KAZN: variants seen among roughly 807,000 people sequenced by gnomAD.
KAZN encodes kazrin.
KAZN carries 40 observed loss-of-function variants against 87.4 expected under a neutral mutation model. The observed-to-expected ratio is 0.46, with a 90% CI of 0.36 to 0.60. The LOEUF (loss-of-function observed/expected upper bound fraction) is 0.60. Ranked by LOEUF, KAZN falls within the 20% of genes least tolerant of loss-of-function variation. The probability of loss-of-function intolerance (pLI) is 0.00; values close to 1 mark genes in which losing one functional copy is unlikely to be tolerated. For missense variants in KAZN, 898 were observed against 1,073.9 expected (o/e 0.84, Z 2.29); for synonymous variants, 466 against 458.3 (o/e 1.02, Z -0.22).
chr1:14,200,688 A>T (rs1482168408), intron 2 of KAZN, among the ~76,000 whole-genome samples: 1 of 152,156 alleles, frequency 6.6e-6, no homozygotes, highest in Non-Finnish European at 1.5e-5. Flanking sequence ...TACATTTTGT[A>T]TGCATATATC....
intron 1 of KAZN, among the ~76,000 whole-genome samples, chr1:14,065,141 C>A (rs758591896): frequency 9.2e-5 from 14 of 152,138 alleles, no homozygotes; most frequent in Non-Finnish European, 1.9e-4. Flanking sequence ...CAACACAACA[C>A]CTTGGGTAGA....
chr1:14,428,050 T>C (rs1234624229), intron 2 of KAZN, among the ~76,000 whole-genome samples: 1 of 152,200 alleles, frequency 6.6e-6, no homozygotes, highest in Non-Finnish European at 1.5e-5. Context: ...GGCAAGGTTA[T>C]AGTCACATTC....
intron 2 of KAZN, among the ~76,000 whole-genome samples, chr1:14,285,453 C>A (rs540814207): frequency 2.0e-4 from 31 of 152,342 alleles, no homozygotes; most frequent in South Asian, 4.2e-4. Flanking sequence ...CTGGCCAAGA[C>A]TGAGGCTCAG....
At chr1:14,789,760 C>CAAAAAAAAAAAAAAAAAAAAAAAA (rs3032757) in intron 1 of KAZN, among the ~76,000 whole-genome samples, 1 of 46,234 alleles carries the variant, frequency 2.2e-5, no homozygotes, top group African/African-American at 8.3e-5. Flanking sequence ...TCCTCATTAC[C>CAAAAAAAAAAAAAAAAAAAAAAAA]AAAAAAAAAA....
intron 1 of KAZN, among the ~76,000 whole-genome samples, chr1:14,099,980 T>C (rs2101641239): frequency 6.6e-6 from 1 of 152,238 alleles, no homozygotes; most frequent in East Asian, 1.9e-4. Flanking sequence ...CTCTCTCTCC[T>C]GAATGAATAT....
chr1:14,713,016 A>G (rs935714009), intron 1 of KAZN, among the ~76,000 whole-genome samples: 2 of 151,898 alleles, frequency 1.3e-5, no homozygotes, highest in African/African-American at 4.8e-5. Flanking sequence ...ACAAGCCCTC[A>G]GTGGCATAGA....
At chr1:14,962,384 A>G (rs1663980805) in intron 2 of KAZN, among the ~76,000 whole-genome samples, 1 of 152,124 alleles carries the variant, frequency 6.6e-6, no homozygotes, top group Non-Finnish European at 1.5e-5. Context: ...TGAAGCTGTA[A>G]TAGACATTGG....
At chr1:14,455,482 G>C (rs573589600) in intron 2 of KAZN, among the ~76,000 whole-genome samples, 1 of 152,284 alleles carries the variant, frequency 6.6e-6, no homozygotes, top group African/African-American at 2.4e-5. Flanking sequence ...GATACTCAGT[G>C]TTCCAGTGTT....
At chr1:14,528,613 G>A (rs1447620590) in intron 2 of KAZN, among the ~76,000 whole-genome samples, 1 of 151,610 alleles carries the variant, frequency 6.6e-6, no homozygotes, top group Admixed American at 6.6e-5. Context: ...GGTTGGCGTC[G>A]TGGCACATGC....
chr1:14,450,890 C>T (rs995942374), intron 2 of KAZN, among the ~76,000 whole-genome samples: 11 of 151,706 alleles, frequency 7.3e-5, no homozygotes, highest in Non-Finnish European at 1.5e-4. Context: ...ACTGGATGGT[C>T]GTCCTAGGTT....
chr1:14,956,140 C>T (rs974092623), intron 1 of KAZN, among the ~76,000 whole-genome samples: 2 of 152,088 alleles, frequency 1.3e-5, no homozygotes, highest in African/African-American at 4.8e-5. Flanking sequence ...ACAACTGAGA[C>T]CCAGAGAAGT....
chr1:14,061,138 G>A (rs75481835), intron 1 of KAZN, among the ~76,000 whole-genome samples: 8,082 of 152,250 alleles, frequency 0.053, 592 homozygotes, highest in African/African-American at 0.16. Flanking sequence ...AAACGGGGGA[G>A]TATTCACAAA....
intron 1 of KAZN, among the ~76,000 whole-genome samples, chr1:14,753,770 A>G (rs1644478060): frequency 6.6e-6 from 1 of 152,098 alleles, no homozygotes; most frequent in East Asian, 1.9e-4. Context: ...ACTCACCTCT[A>G]GGGAGGGAAC....
At chr1:14,326,209 C>A (rs1236074782) in intron 2 of KAZN, among the ~76,000 whole-genome samples, 1 of 152,130 alleles carries the variant, frequency 6.6e-6, no homozygotes, top group Non-Finnish European at 1.5e-5. Flanking sequence ...CCCCGCCCCA[C>A]CGCCGAGTTC....
intron 1 of KAZN, among the ~76,000 whole-genome samples, chr1:14,814,895 G>A (rs550428731): frequency 6.6e-6 from 1 of 152,330 alleles, no homozygotes; most frequent in African/African-American, 2.4e-5. Flanking sequence ...TACGTGGAAT[G>A]CTGGAGATGA....
intron 2 of KAZN, among the ~76,000 whole-genome samples, chr1:14,397,825 C>T (rs910605715): frequency 7.1e-6 from 1 of 140,028 alleles, no homozygotes; most frequent in African/African-American, 2.7e-5. Context: ...CTCACCATTG[C>T]AGTCCAGCCT....
intron 2 of KAZN, among the ~76,000 whole-genome samples, chr1:14,473,655 A>C (rs930035016): frequency 4.9e-5 from 7 of 142,752 alleles, no homozygotes; most frequent in Admixed American, 1.4e-4. Flanking sequence ...AAAAAAAAAC[A>C]CAAAAACAAA....
chr1:13,997,048 T>C (rs1226717945), intron 1 of KAZN, among the ~76,000 whole-genome samples: 1 of 152,148 alleles, frequency 6.6e-6, no homozygotes, highest in African/African-American at 2.4e-5. Context: ...GTAATATCTC[T>C]GGGCTTGGGA....
intron 1 of KAZN, among the ~76,000 whole-genome samples, chr1:14,697,057 G>A (rs1641642771): frequency 6.7e-6 from 1 of 150,064 alleles, no homozygotes. Context: ...TTGGGAGGCT[G>A]AAAGCGGGAG....
Sources: gnomAD v4.1 joint callset for allele counts (sites outside exome capture counted in the v4.1 genomes callset) on GRCh38, gnomAD v4.1.1 for gene constraint, MANE v1.5 for transcripts, NCBI Gene and HGNC (gene_info 2026-07-23, HGNC 2026-07-21) for gene names.